The following PDE4D variants were observed in gnomAD, a reference collection of about 807,000 sequenced individuals.
The protein encoded by PDE4D is 3',5'-cyclic-AMP phosphodiesterase 4D.
In PDE4D, 24 loss-of-function variants were observed where a neutral mutation model predicts 87.4. The ratio of observed to expected loss-of-function variants is 0.27; its 90% CI spans 0.20 to 0.39. The LOEUF is 0.39. Ranked by LOEUF, PDE4D falls within the 10% of genes least tolerant of loss-of-function variation. The pLI, the probability that PDE4D is intolerant of heterozygous loss-of-function variation, is 1.00. For synonymous variants in PDE4D, 384 were observed against 383.2 expected, an observed-to-expected ratio of 1.00 and a Z score of -0.02; for missense variants, 714 against 1,041.0, an observed-to-expected ratio of 0.69 and a Z score of 4.32.
At chr5:60,466,710 A>T (rs1425864691) in intron 1 of PDE4D, among the ~76,000 whole-genome samples, 2 of 152,170 alleles carry the variant, frequency 1.3e-5, no homozygotes, top group African/African-American at 4.8e-5. Context: ...TTTGGAGCTC[A>T]TTATCAACTA....
chr5:60,119,537 C>CTGGA (rs1208224397), intron 2 of PDE4D, among the ~76,000 whole-genome samples: 4 of 152,170 alleles, frequency 2.6e-5, no homozygotes, highest in African/African-American at 9.6e-5. Context: ...ATTAGATTTT[C>CTGGA]TGGATTTAAA....
At chr5:59,798,254 C>CTG (rs72009917) in intron 1 of PDE4D, among the ~76,000 whole-genome samples, 6,964 of 143,790 alleles carry the variant, frequency 0.048, 157 homozygotes, top group East Asian at 0.083. Flanking sequence ...ATATAAATGC[C>CTG]TGTGTGTGTG....
intron 5 of PDE4D, among the ~76,000 whole-genome samples, chr5:59,069,526 T>TTC (rs1554060890): frequency 9.3e-5 from 14 of 151,268 alleles, no homozygotes; most frequent in Admixed American, 2.6e-4. Flanking sequence ...TTTTTTTTTT[T>TTC]CCCTAATCCC....
intron 2 of PDE4D, among the ~76,000 whole-genome samples, chr5:60,177,320 A>G (rs1201891534): frequency 6.6e-6 from 1 of 152,192 alleles, no homozygotes; most frequent in East Asian, 1.9e-4. Flanking sequence ...TGTCATTGGA[A>G]TACAAAGCAA....
At chr5:59,032,602 T>C (rs147826205) in intron 6 of PDE4D, among the ~76,000 whole-genome samples, 50 of 152,290 alleles carry the variant, frequency 3.3e-4, no homozygotes, top group African/African-American at 1.0e-3. Context: ...TTGAGCAACA[T>C]TAATTTGGAC....
intron 1 of PDE4D, among the ~76,000 whole-genome samples, chr5:59,882,446 A>T (rs1392616022): frequency 6.6e-6 from 1 of 152,236 alleles, no homozygotes; most frequent in Non-Finnish European, 1.5e-5. Context: ...AGCTGGAAGC[A>T]CACCTGCATA....
intron 1 of PDE4D, among the ~76,000 whole-genome samples, chr5:59,387,475 G>GATT (rs1247378618): frequency 6.6e-6 from 1 of 152,026 alleles, no homozygotes; most frequent in East Asian, 1.9e-4. Context: ...CAGAGAAATG[G>GATT]ATTTTATGAA....
At chr5:60,335,655 C>A (rs1482783159) in intron 1 of PDE4D, among the ~76,000 whole-genome samples, 3 of 152,164 alleles carry the variant, frequency 2.0e-5, no homozygotes, top group Non-Finnish European at 2.9e-5. Flanking sequence ...CTCAGGCAGG[C>A]ATCCTAAGTG....
At chr5:60,250,955 T>C (rs1186045772) in intron 1 of PDE4D, among the ~76,000 whole-genome samples, 1 of 151,976 alleles carries the variant, frequency 6.6e-6, no homozygotes, top group African/African-American at 2.4e-5. Context: ...AGTGATATTG[T>C]TGATACTGAC....
chr5:59,004,970 ATCT>A, intron 6 of PDE4D, among the ~76,000 whole-genome samples: 1 of 152,324 alleles, frequency 6.6e-6, no homozygotes, highest in East Asian at 1.9e-4. Context: ...CCAGAAAAGT[ATCT>A]TATTATGTCC....
At chr5:60,066,865 C>A (rs34913883) in intron 2 of PDE4D, among the ~76,000 whole-genome samples, 21,360 of 151,992 alleles carry the variant, frequency 0.14, 1,545 homozygotes, top group Middle Eastern at 0.22. Context: ...TTTCTATAAT[C>A]CAGCAGGAAG....
intron 5 of PDE4D, among the ~76,000 whole-genome samples, chr5:59,132,388 T>C (rs1421665179): frequency 2.0e-5 from 3 of 152,132 alleles, no homozygotes; most frequent in African/African-American, 4.8e-5. Flanking sequence ...TTCGTAGAAA[T>C]ATAGTTATCA....
Position 59,947,411 on chromosome 5 carries a change from C to A in PDE4D, c.272+41077G>T, listed in dbSNP as rs146536885. On this transcript the variant is annotated intron_variant, in intron 3 of 16. Coordinates refer to the PDE4D transcript ENST00000502484. ...GACTAAAAATCTAGTGTGGGCGGCC[C>A]GGGGGAGGTAGCTCTCAGGAGCTAG... Among the ~76,000 whole-genome samples the A allele has an allele frequency of 4.5e-3, 691 of 152,042 alleles. 8 individuals are homozygous for A. The highest frequency in any genetic ancestry group is 0.016 in the African/African-American group (667 of 41,472).
At chr5:59,989,095 TATATATATATATATATATATACACAC>T (rs1762742989) in intron 2 of PDE4D, among the ~76,000 whole-genome samples, 1 of 92,812 alleles carries the variant, frequency 1.1e-5, no homozygotes, top group African/African-American at 3.3e-5. Flanking sequence ...GTCATATATA[TATATATATATATATATATATACACAC>T]ACACACATAC....
At chr5:59,043,801 C>T (rs562239056) in intron 5 of PDE4D, among the ~76,000 whole-genome samples, 24 of 151,396 alleles carry the variant, frequency 1.6e-4, no homozygotes, top group Middle Eastern at 3.4e-3. Flanking sequence ...TGAGAACATG[C>T]GGTATTTGGT....
intron 1 of PDE4D, among the ~76,000 whole-genome samples, chr5:59,229,588 T>C (rs1458321643): frequency 6.6e-6 from 1 of 152,142 alleles, no homozygotes; most frequent in South Asian, 2.1e-4. Flanking sequence ...AAATCTTAGT[T>C]TTTTGAATTT....
At chr5:59,940,966 T>C (rs535808161) in intron 3 of PDE4D, among the ~76,000 whole-genome samples, 1 of 152,274 alleles carries the variant, frequency 6.6e-6, no homozygotes, top group Non-Finnish European at 1.5e-5. Context: ...GTGTATGGGT[T>C]ATATTTTTTG....
intron 1 of PDE4D, among the ~76,000 whole-genome samples, chr5:59,250,366 G>A (rs72765942): frequency 0.074 from 11,083 of 150,396 alleles, 539 homozygotes; most frequent in Non-Finnish European, 0.1. Flanking sequence ...GGTGGGGCAC[G>A]CCTGTTGTTG....
chr5:59,120,518 T>A (rs924651178), intron 5 of PDE4D, among the ~76,000 whole-genome samples: 12 of 152,096 alleles, frequency 7.9e-5, no homozygotes, highest in African/African-American at 2.7e-4. Context: ...AGACCATTTT[T>A]AAAAAAATTG....
Sources: allele counts gnomAD v4.1 joint callset (sites outside exome capture counted in the v4.1 genomes callset), GRCh38; gene constraint gnomAD v4.1.1; transcripts MANE v1.5; gene names NCBI Gene and HGNC (gene_info 2026-07-23, HGNC 2026-07-21).